ANKRD31: variants seen among roughly 807,000 people sequenced by gnomAD.
The protein encoded by ANKRD31 is ankyrin repeat domain-containing protein 31.
ANKRD31 carries 147 observed loss-of-function variants against 186.0 expected under a neutral mutation model. That is an observed-to-expected ratio of 0.79 (90% confidence interval 0.69 to 0.91). The LOEUF (loss-of-function observed/expected upper bound fraction) is 0.91. Among genes scored for constraint, ANKRD31 ranks in the 40% least tolerant of loss-of-function variants. The pLI, the probability that ANKRD31 is intolerant of heterozygous loss-of-function variation, is 0.00. For synonymous variants in ANKRD31, 673 were observed against 736.4 expected (o/e 0.91, Z 1.39); for missense variants, 1,986 against 2,148.8 (o/e 0.92, Z 1.50).
intron 5 of ANKRD31, among the ~76,000 whole-genome samples, chr5:75,200,776 G>T (rs2150261491): frequency 6.6e-6 from 1 of 151,818 alleles, no homozygotes; most frequent in African/African-American, 2.4e-5. Context: ...AGCCAGCATG[G>T]TGGCACACAC....
At chr5:75,077,612 G>A (rs951281209) in intron 25 of ANKRD31, among the ~76,000 whole-genome samples, 4 of 151,720 alleles carry the variant, frequency 2.6e-5, no homozygotes, top group East Asian at 3.9e-4. Flanking sequence ...GTACAAAAAC[G>A]AACCCTGAAA....
intron 19 of ANKRD31, among the ~76,000 whole-genome samples, chr5:75,113,396 A>C (rs2150073096): frequency 6.6e-6 from 1 of 152,350 alleles, no homozygotes; most frequent in South Asian, 2.1e-4. Flanking sequence ...CCTTTTTCTC[A>C]GAATTAAGAA....
At chr5:75,072,554 C>T (rs1390225413) in intron 25 of ANKRD31, among the ~76,000 whole-genome samples, 2 of 152,176 alleles carry the variant, frequency 1.3e-5, no homozygotes, top group East Asian at 1.9e-4. Context: ...TTCTAATGAA[C>T]GACTAAATCT....
chr5:75,159,620 T>A (rs1227771959), intron 11 of ANKRD31, among the ~76,000 whole-genome samples: 16 of 151,668 alleles, frequency 1.1e-4, no homozygotes. Flanking sequence ...AGCAAGAATC[T>A]TATATCTAGC....
rs115443442 is a variant in ANKRD31, at chr5:75,167,480, C to T, written c.1707+1499G>A. On this transcript the variant is annotated intron_variant, in intron 11 of 25. Coordinates refer to ENST00000506364, the MANE Select transcript of ANKRD31 (RefSeq NM_001372053.1). The stretch of plus-strand genomic sequence containing the variant: ...ACTACTGGTTTCAACTTTTAATTTT[C>T]ATGACTTTTCTCTAGACTTCCACTC... Among the ~76,000 whole-genome samples the T allele has an allele frequency of 2.1e-3, 320 of 152,328 alleles. 2 individuals carry two copies. Among genetic ancestry groups the T allele is most frequent in the South Asian group, 8.3e-3 (40 of 4,824 alleles).
rs1751530348 is a variant in ANKRD31 at position 75,147,305 on chromosome 5, G to C, written c.2106C>G (p.Asp702Glu). The C allele has an allele frequency of 6.5e-7, 1 of 1,534,866 alleles. No individual in the cohort carries two copies. The highest frequency in any genetic ancestry group is 8.7e-7 in the Non-Finnish European group (1 of 1,145,860). The part of the protein sequence containing the change: ...GKSKHKQSTL[D>E]QIYSTGLRKG... Reference sequence around the variant, plus strand: ...TTCTGAGTCCTGTAGAGTATATCTGGTCAAGAGTTGATTGTTTATGCTTGG... The same window carrying C: ...TTCTGAGTCCTGTAGAGTATATCTGCTCAAGAGTTGATTGTTTATGCTTGG... The change falls in exon 14 of 26, where the codon GAC becomes GAG. Residue 702 changes from aspartate to glutamate, a missense_variant. By Grantham distance (45) the Asp-to-Glu change is conservative. Transcript: ENST00000506364.
At chr5:75,161,708 C>T (rs1458042859) in intron 11 of ANKRD31, among the ~76,000 whole-genome samples, 4 of 152,132 alleles carry the variant, frequency 2.6e-5, no homozygotes, top group Non-Finnish European at 5.9e-5. Flanking sequence ...TTCATGGGCC[C>T]GGGCCAGGGC....
At chr5:75,111,249 T>G (rs1218686484) in intron 20 of ANKRD31, among the ~76,000 whole-genome samples, 1 of 151,622 alleles carries the variant, frequency 6.6e-6, no homozygotes, top group East Asian at 1.9e-4. Flanking sequence ...AACAACAAAA[T>G]ATTGTGATGG....
chr5:75,122,354 G>A (rs977880223), intron 17 of ANKRD31, among the ~76,000 whole-genome samples: 2 of 150,800 alleles, frequency 1.3e-5, no homozygotes, highest in Admixed American at 1.3e-4. Context: ...ATACAAAGAA[G>A]AACTGGTACC....
intron 3 of ANKRD31, among the ~76,000 whole-genome samples, chr5:75,218,466 TA>T (rs904312925): frequency 2.0e-5 from 3 of 151,702 alleles, no homozygotes; most frequent in Non-Finnish European, 4.4e-5. Context: ...GCCTACCAAC[TA>T]AAAAAAGCCC....
At chr5:75,072,923 G>A (rs189344972) in intron 25 of ANKRD31, among the ~76,000 whole-genome samples, 1 of 152,320 alleles carries the variant, frequency 6.6e-6, no homozygotes, top group East Asian at 1.9e-4. Context: ...GGATGTTGGA[G>A]TGTAAGACCT....
At chr5:75,173,194 A>T (rs1285856098) in intron 10 of ANKRD31, among the ~76,000 whole-genome samples, 2 of 152,218 alleles carry the variant, frequency 1.3e-5, no homozygotes, top group African/African-American at 4.8e-5. Context: ...ACAGCCCTTC[A>T]TGCTAAAAAC....
At chr5:75,214,135 C>T (rs531564803) in intron 3 of ANKRD31, among the ~76,000 whole-genome samples, 1 of 152,168 alleles carries the variant, frequency 6.6e-6, no homozygotes, top group African/African-American at 2.4e-5. Context: ...TAGAGCGTTC[C>T]CTCTGGACAT....
intron 15 of ANKRD31, among the ~76,000 whole-genome samples, chr5:75,141,048 A>C (rs1420229399): frequency 6.6e-6 from 1 of 152,216 alleles, no homozygotes; most frequent in Non-Finnish European, 1.5e-5. Flanking sequence ...CTGTGTTTTA[A>C]CAAGCTTTTC....
At chr5:75,100,501 C>A (rs1746753450) in intron 22 of ANKRD31, among the ~76,000 whole-genome samples, 1 of 152,136 alleles carries the variant, frequency 6.6e-6, no homozygotes, top group Non-Finnish European at 1.5e-5. Flanking sequence ...TCTCGTTGAT[C>A]TGTCTAATGT....
chr5:75,105,964 G>A (rs1747300407), intron 21 of ANKRD31, among the ~76,000 whole-genome samples: 1 of 151,940 alleles, frequency 6.6e-6, no homozygotes, highest in African/African-American at 2.4e-5. Flanking sequence ...TCAGATTATT[G>A]GACACTTTGT....
intron 22 of ANKRD31, among the ~76,000 whole-genome samples, chr5:75,093,155 G>A (rs1213889625): frequency 6.6e-6 from 1 of 152,056 alleles, no homozygotes; most frequent in Admixed American, 6.6e-5. Flanking sequence ...AAAAGAAGCA[G>A]AAAAAATATT....
At position 75,200,271 on chromosome 5, in the gene ANKRD31, C is replaced by T. The variant is rs144318133; in HGVS notation, c.404-597G>A. ...ATCTGGAAAAAAGATAGTTCTCCTC[C>T]ACTGTTCCTTTTACATTCTTTCTTT... is the stretch of plus-strand genomic sequence containing the variant. On this transcript the variant is annotated intron_variant, in intron 5 of 25. Coordinates refer to ENST00000506364, the MANE Select transcript of ANKRD31 (RefSeq NM_001372053.1). Among the ~76,000 whole-genome samples the T allele has an allele frequency of 3.9e-3, 598 of 151,820 alleles. 1 individual carries two copies. Among genetic ancestry groups the T allele is most frequent in the South Asian group, 0.013 (63 of 4,796 alleles).
At chr5:75,102,353 C>T (rs1746967620) in intron 22 of ANKRD31, among the ~76,000 whole-genome samples, 2 of 152,212 alleles carry the variant, frequency 1.3e-5, no homozygotes, top group South Asian at 4.1e-4. Context: ...ATGGGAGATG[C>T]CTCCCAGTTA....
Sources: allele counts gnomAD v4.1 joint callset (sites outside exome capture counted in the v4.1 genomes callset), GRCh38; gene constraint gnomAD v4.1.1; transcripts MANE v1.5; gene names NCBI Gene and HGNC (gene_info 2026-07-23, HGNC 2026-07-21).